The following KIAA0232 variants were observed in gnomAD, a reference collection of about 807,000 sequenced individuals.
KIAA0232 encodes KIAA0232, also known as uncharacterized protein KIAA0232.
Under a neutral mutation model 122.0 loss-of-function variants are expected in KIAA0232, and 27 were observed. The observed-to-expected ratio is 0.22, with a 90% CI of 0.16 to 0.31. The LOEUF is 0.31. KIAA0232 is among the 10% of genes least tolerant of loss of function. KIAA0232 has a pLI of 1.00. For synonymous variants in KIAA0232, 613 were observed against 587.6 expected (o/e 1.04, Z -0.63); for missense variants, 1,551 against 1,634.2 (o/e 0.95, Z 0.88).
chr4:6,858,294 C>A (rs1480667596), intron 5 of KIAA0232, 131 bp from the exon 6 acceptor site: 7 of 567,196 alleles, frequency 1.2e-5, no homozygotes, highest in South Asian at 2.4e-5. Context: ...TTAAAAAGAT[C>A]GGTATTGAGT....
chr4:6,818,415 AAAAG>A, intron 2 of KIAA0232, among the ~76,000 whole-genome samples: 1 of 151,674 alleles, frequency 6.6e-6, no homozygotes, highest in Admixed American at 6.6e-5. Flanking sequence ...AAAAAAAAAA[AAAAG>A]AATACACTCC....
chr4:6,788,582 G>T (rs562103361), intron 1 of KIAA0232, among the ~76,000 whole-genome samples: 81 of 152,152 alleles, frequency 5.3e-4, no homozygotes, highest in African/African-American at 1.9e-3. Context: ...GTCTTTCCTG[G>T]ATTATAAACT....
intron 1 of KIAA0232, among the ~76,000 whole-genome samples, chr4:6,797,282 G>T (rs1325824712): frequency 6.6e-6 from 1 of 152,168 alleles, no homozygotes; most frequent in Non-Finnish European, 1.5e-5. Flanking sequence ...GTAGCACCCT[G>T]CATTTTGCCA....
At chr4:6,828,019 C>G (rs1342413120) in intron 3 of KIAA0232, among the ~76,000 whole-genome samples, 3 of 152,116 alleles carry the variant, frequency 2.0e-5, no homozygotes, top group Non-Finnish European at 2.9e-5. Flanking sequence ...GTCTCTGAAA[C>G]TTTTTCTGAT....
At chr4:6,869,016 C>CT (rs1243903470) in intron 7 of KIAA0232, among the ~76,000 whole-genome samples, 1 of 152,210 alleles carries the variant, frequency 6.6e-6, no homozygotes, top group Admixed American at 6.5e-5. Context: ...TCAGCAGACA[C>CT]TGAGTATCTG....
intron 9 of KIAA0232, among the ~76,000 whole-genome samples, chr4:6,877,966 A>G (rs1163174871): frequency 6.6e-6 from 1 of 152,236 alleles, no homozygotes; most frequent in African/African-American, 2.4e-5. Flanking sequence ...CAATAAGGTC[A>G]TAATTATACC....
intron 2 of KIAA0232, among the ~76,000 whole-genome samples, chr4:6,810,629 A>T (rs950590158): frequency 6.6e-6 from 1 of 152,226 alleles, no homozygotes; most frequent in African/African-American, 2.4e-5. Context: ...AATCAGCAGG[A>T]GATTGAAGAG....
intron 3 of KIAA0232, among the ~76,000 whole-genome samples, chr4:6,841,529 A>AT (rs1719661313): frequency 1.3e-5 from 2 of 152,202 alleles, no homozygotes; most frequent in South Asian, 4.1e-4. Context: ...GTGTGAAGAC[A>AT]TTTTCAAAGA....
intron 5 of KIAA0232, 78 bp from the exon 6 acceptor site, chr4:6,858,347 G>A (rs1379544604): frequency 1.2e-6 from 1 of 807,014 alleles, no homozygotes; most frequent in Non-Finnish European, 1.9e-6. Context: ...GTTAAAATTA[G>A]TTGAGAAACT....
At chr4:6,807,378 CTTACGTGT>C (rs528813012) in intron 2 of KIAA0232, among the ~76,000 whole-genome samples, 1 of 152,300 alleles carries the variant, frequency 6.6e-6, no homozygotes, top group East Asian at 1.9e-4. Flanking sequence ...AGCATATATA[CTTACGTGT>C]TTATTTCTGA....
intron 4 of KIAA0232, among the ~76,000 whole-genome samples, chr4:6,851,722 TAAAAA>T (rs74937263): frequency 4.1e-5 from 4 of 97,220 alleles, no homozygotes; most frequent in Non-Finnish European, 5.8e-5. Context: ...TCTCAAAAAT[TAAAAA>T]AAAAAAAAAA....
chr4:6,854,741 G>A (rs1177120759), intron 4 of KIAA0232, among the ~76,000 whole-genome samples: 2 of 152,112 alleles, frequency 1.3e-5, no homozygotes, highest in Non-Finnish European at 2.9e-5. Flanking sequence ...GTTCAGTGGT[G>A]GAATGGTAGC....
At chr4:6,858,548 A>G (rs1004818716) in intron 6 of KIAA0232, 42 bp downstream of exon 6, 6 of 1,256,744 alleles carry the variant, frequency 4.8e-6, no homozygotes, top group Admixed American at 2.1e-5. Context: ...GCATTTGTTA[A>G]AATCAGATGA....
At chr4:6,800,043 C>CTTTCTTTTTTTTTTTT (rs1717313307) in intron 1 of KIAA0232, among the ~76,000 whole-genome samples, 1 of 60,036 alleles carries the variant, frequency 1.7e-5, no homozygotes, top group Non-Finnish European at 3.6e-5. Flanking sequence ...TTCTTTCTTT[C>CTTTCTTTTTTTTTTTT]TTTTTTTTTT....
chr4:6,854,921 T>C (rs1720490946), intron 4 of KIAA0232, among the ~76,000 whole-genome samples: 1 of 152,140 alleles, frequency 6.6e-6, no homozygotes, highest in Non-Finnish European at 1.5e-5. Flanking sequence ...TTTATATAAT[T>C]GGGAAAGTGA....
intron 7 of KIAA0232, among the ~76,000 whole-genome samples, chr4:6,870,653 A>C (rs1384570883): frequency 6.6e-6 from 1 of 152,142 alleles, no homozygotes; most frequent in Non-Finnish European, 1.5e-5. Flanking sequence ...AAATACAAAA[A>C]TTAGCCGGGG....
chr4:6,811,469 G>T (rs192202822), intron 2 of KIAA0232, among the ~76,000 whole-genome samples: 2 of 152,076 alleles, frequency 1.3e-5, no homozygotes, highest in African/African-American at 4.8e-5. Context: ...CTGAGACAGG[G>T]TCTCACTCTG....
chr4:6,868,717 A>T (rs1458209128), intron 7 of KIAA0232, among the ~76,000 whole-genome samples: 1 of 152,214 alleles, frequency 6.6e-6, no homozygotes, highest in Non-Finnish European at 1.5e-5. Flanking sequence ...AAGTTGAATT[A>T]ATACATTCGA....
At chr4:6,866,660 C>T (rs1721196673) in intron 7 of KIAA0232, among the ~76,000 whole-genome samples, 2 of 152,140 alleles carry the variant, frequency 1.3e-5, no homozygotes, top group South Asian at 4.1e-4. Context: ...CTGTTTCAGA[C>T]TTAGATGATG....
Sources: allele counts gnomAD v4.1 joint callset (sites outside exome capture counted in the v4.1 genomes callset), GRCh38; gene constraint gnomAD v4.1.1; transcripts MANE v1.5; gene names NCBI Gene and HGNC (gene_info 2026-07-23, HGNC 2026-07-21).